LAMA5: variants seen among roughly 807,000 people sequenced by gnomAD.
LAMA5 encodes laminin subunit alpha 5, also known as laminin subunit alpha-5.
LAMA5 carries 260 observed loss-of-function variants against 433.4 expected under a neutral mutation model. The observed-to-expected ratio is 0.60, with a 90% CI of 0.54 to 0.66. LAMA5 has a LOEUF of 0.66. LAMA5 is among the 30% of genes least tolerant of loss of function. LAMA5 has a pLI of 0.00. For missense variants in LAMA5, 5,378 were observed against 5,258.5 expected, an observed-to-expected ratio of 1.02 and a Z score of -0.70; for synonymous variants, 2,620 against 2,226.6, an observed-to-expected ratio of 1.18 and a Z score of -4.97.
intron 2 of LAMA5, chr20:62,356,217 G>A (rs941684694): frequency 2.0e-5 from 3 of 152,306 alleles, no homozygotes; most frequent in East Asian, 1.9e-4. Context: ...AGCTGTCCTC[G>A]AGGGCCTGGT....
rs1469700175 is a variant in LAMA5 at position 62,322,693 on chromosome 20, C to T, written c.6130G>A (p.Ala2044Thr). 1 of 1,548,786 alleles carries T rather than the reference C, an allele frequency of 6.5e-7. No individual in the cohort carries two copies. The highest frequency in any genetic ancestry group is 8.7e-7 in the Non-Finnish European group (1 of 1,148,886). The change falls in exon 46 of 80, where the codon GCG (alanine) becomes ACG (threonine). Residue 2044 changes from alanine to threonine, a missense_variant. Coordinates refer to ENST00000252999, the MANE Select transcript of LAMA5 (RefSeq NM_005560.6). Reference protein sequence around the residue: ...DPHSGHCLCKAGVTGRRCDRC... With the variant: ...DPHSGHCLCKTGVTGRRCDRC... ...TCACAGCGCCGCCCAGTCACGCCCGCCTTGCACAGGCAGTGCCCGCTGTGG... is the reference window on the plus strand; with the variant it reads ...TCACAGCGCCGCCCAGTCACGCCCGTCTTGCACAGGCAGTGCCCGCTGTGG...
At position 62,322,411 on chromosome 20, in the gene LAMA5, G is replaced by T. The variant is rs1480725420; in HGVS notation, c.6204C>A (p.Arg2068=). Residue 2068 remains arginine (R), a synonymous_variant, in exon 47 of 80, where the codon CGC becomes CGA. Transcript: ENST00000252999. ...CGGCGGCCGGTCCACAAGCACACGG[G>T]CGGCAGCCCCCGCAGCCATCGAAAC... ...HFGFDGCGGC[R]PCACGPAAEG... 1 of 1,593,758 alleles carries T rather than the reference G, an allele frequency of 6.3e-7. No individual in the cohort carries two copies. Among genetic ancestry groups the T allele is most frequent in the Non-Finnish European group, 8.5e-7 (1 of 1,171,170 alleles).
At chr20:62,340,396 C>T (rs1028827196) in intron 11 of LAMA5, among the ~76,000 whole-genome samples, 11 of 148,582 alleles carry the variant, frequency 7.4e-5, no homozygotes, top group Admixed American at 1.4e-4. Context: ...ACTGCAAACC[C>T]TACCTCCCGG....
rs141060476 is a variant in LAMA5, at chr20:62,328,984, C to G, written c.4307G>C (p.Arg1436Pro). Residue 1436 changes from arginine (R) to proline (P), a missense_variant, in exon 34 of 80, where the codon CGT becomes CCT. Coordinates refer to ENST00000252999, the MANE Select transcript of LAMA5 (RefSeq NM_005560.6). ...ACCTACTTCGTGGCAGCCACATGGACGGGCTCCGTTGTTATAGAAGAGGGA... is the reference window on the plus strand; with the variant it reads ...ACCTACTTCGTGGCAGCCACATGGAGGGGCTCCGTTGTTATAGAAGAGGGA... Reference protein sequence around the residue: ...SLSLFYNNGARPCGCHEVGAT... With the variant: ...SLSLFYNNGAPPCGCHEVGAT... The G allele has an allele frequency of 6.2e-7, 1 of 1,612,464 alleles. No homozygotes were observed. Among genetic ancestry groups the G allele is most frequent in the African/African-American group, 1.3e-5 (1 of 74,922 alleles).
At position 62,328,975 on chromosome 20, in the gene LAMA5, C is replaced by T. The variant is rs144368979; in HGVS notation, c.4316G>A (p.Gly1439Asp). 5.3e-4 allele frequency: 858 copies of T among 1,612,356 alleles called. 2 individuals are homozygous for T. The highest frequency in any genetic ancestry group is 6.6e-4 in the Non-Finnish European group (775 of 1,179,760). ...GCCTGTAGCACCTACTTCGTGGCAG[C>T]CACATGGACGGGCTCCGTTGTTATA... is the stretch of plus-strand genomic sequence containing the variant. ...LFYNNGARPC[G>D]CHEVGATGPT... Residue 1439 changes from glycine to aspartate, a missense_variant, in exon 34 of 80, where the codon GGC becomes GAC. Coordinates refer to ENST00000252999, the MANE Select transcript of LAMA5 (RefSeq NM_005560.6).
intron 1 of LAMA5, among the ~76,000 whole-genome samples, chr20:62,366,722 C>T (rs981577261): frequency 1.3e-5 from 2 of 152,252 alleles, no homozygotes; most frequent in African/African-American, 4.8e-5. Context: ...CCCAGCCGCC[C>T]CCGGGTCCAT....
At chr20:62,342,302 C>CA (rs762726186) in intron 11 of LAMA5, 7,310 of 311,360 alleles carry the variant, frequency 0.023, no homozygotes, top group South Asian at 0.034. Context: ...AACTCCATCT[C>CA]AAAAAAAAAA....
intron 9 of LAMA5, 118 bp downstream of exon 9, chr20:62,346,373 GCCTGGGAGGCTCCTT>G: frequency 7.4e-7 from 1 of 1,352,502 alleles, no homozygotes; most frequent in East Asian, 2.5e-5. Flanking sequence ...CCGCCCCGTG[GCCTGGGAGGCTCCTT>G]CCTGGGCTGG....
rs768965589 is a variant in LAMA5, at chr20:62,314,697, C to A, written c.8225G>T (p.Arg2742Leu). The change falls in exon 61 of 80, where the codon CGC becomes CTC. Residue 2742 changes from arginine (R) to leucine (L), a missense_variant. Transcript: ENST00000252999. ...KVKVPMKFNG[R>L]SGVQLRTPRD... ...TGGGGTGCGCAGCTGCACCCCTGAG[C>A]GCCCGTTGAACTTCATGGGCACCTT... 14 of 1,612,462 alleles carry A rather than the reference C, an allele frequency of 8.7e-6. No homozygotes were observed. Among genetic ancestry groups the A allele is most frequent in the African/African-American group, 2.7e-5 (2 of 74,892 alleles).
In LAMA5 at chr20:62,320,843, C is replaced by T. The variant is rs150648433; in HGVS notation, c.6544G>A (p.Gly2182Ser). 6.6e-5 allele frequency: 107 copies of T among 1,612,366 alleles called. No homozygotes were observed. The highest frequency in any genetic ancestry group is 7.0e-5 in the Non-Finnish European group (83 of 1,179,760). ...TCGTGAATGGCGGGGAGGAGGGCGC[C>T]GGCCCGTTCCAGGTCATCCAGGAGC... is the stretch of plus-strand genomic sequence containing the variant. Reference protein sequence around the residue: ...VLLLDDLERAGALLPAIHEQL... With the variant: ...VLLLDDLERASALLPAIHEQL... The change falls in exon 49 of 80, where the codon GGC (glycine) becomes AGC (serine). Residue 2182 changes from glycine (G) to serine (S), a missense_variant. Transcript: ENST00000252999.
At chr20:62,311,824 CT>C in intron 70 of LAMA5, 40 bp from the exon 71 acceptor site, 6 of 1,538,502 alleles carry the variant, frequency 3.9e-6, no homozygotes, top group Non-Finnish European at 5.3e-6. Flanking sequence ...TTTCCCCACC[CT>C]GCCCACCCCC....
chr20:62,334,391 C>A, intron 21 of LAMA5, 49 bp from the exon 22 acceptor site: 3 of 1,539,662 alleles, frequency 1.9e-6, no homozygotes, highest in South Asian at 1.2e-5. Flanking sequence ...TCCTACCTAG[C>A]CCTGCACAGC....
chr20:62,319,615 G>GCACCCC, intron 51 of LAMA5, 69 bp downstream of exon 51: 1 of 1,151,604 alleles, frequency 8.7e-7, no homozygotes, highest in South Asian at 1.3e-5. Flanking sequence ...GCTCGGCCAG[G>GCACCCC]CACCCCCACC....
intron 40 of LAMA5, among the ~76,000 whole-genome samples, chr20:62,326,274 G>A (rs1330583734): frequency 1.3e-5 from 2 of 152,002 alleles, no homozygotes; most frequent in East Asian, 1.9e-4. Flanking sequence ...GCTGTGAGAG[G>A]GGAGAAGACG....
chr20:62,354,762 T>TCC (rs1212088888), intron 2 of LAMA5, among the ~76,000 whole-genome samples: 4 of 151,872 alleles, frequency 2.6e-5, no homozygotes, highest in Non-Finnish European at 4.4e-5. Flanking sequence ...AGCCCTAGGC[T>TCC]CCCCCTACCT....
chr20:62,337,879 G>C lies in LAMA5; in HGVS notation c.1951C>G (p.Arg651Gly), dbSNP rs763351511. 6.2e-7 allele frequency: 1 copy of C among 1,612,474 alleles called. No individual in the cohort carries two copies. Among genetic ancestry groups the C allele is most frequent in the South Asian group, 1.1e-5 (1 of 91,060 alleles). ...DQLCGAGGLCRCRPGYTGTAC... is the reference protein window; with the variant it reads ...DQLCGAGGLCGCRPGYTGTAC... ...GTGCCTGTGTAGCCGGGGCGGCAGC[G>C]GCACAAACCTCCCGCCCCACAGAGC... is the stretch of plus-strand genomic sequence containing the variant. The change falls in exon 15 of 80, where the codon CGC becomes GGC. Residue 651 changes from arginine to glycine, a missense_variant. Arg to Gly is a moderately radical substitution (Grantham distance 125). Coordinates refer to ENST00000252999, the MANE Select transcript of LAMA5 (RefSeq NM_005560.6).
intron 16 of LAMA5, 114 bp from the exon 17 acceptor site, chr20:62,336,900 G>A (rs1403352267): frequency 9.4e-7 from 1 of 1,063,434 alleles, no homozygotes; most frequent in Non-Finnish European, 1.4e-6. Context: ...ACCAGCACAG[G>A]TGCCTCTCAT....
intron 2 of LAMA5, chr20:62,356,406 G>T (rs1333023202): frequency 1.3e-5 from 2 of 152,456 alleles, no homozygotes; most frequent in African/African-American, 4.8e-5. Context: ...AGCTGCCAGT[G>T]CTGACCTTTC....
At chr20:62,351,225 A>C in intron 6 of LAMA5, 3 of 191,962 alleles carry the variant, frequency 1.6e-5, no homozygotes, top group Non-Finnish European at 1.1e-5. Context: ...GCAGCAGGGA[A>C]GTTGTCTGTT....
Sources: gnomAD v4.1 joint callset for allele counts (sites outside exome capture counted in the v4.1 genomes callset) on GRCh38, gnomAD v4.1.1 for gene constraint, MANE v1.5 for transcripts, NCBI Gene and HGNC (gene_info 2026-07-23, HGNC 2026-07-21) for gene names.